Variants in CNTNAP2 observed in about 807,000 individuals in gnomAD.
CNTNAP2 encodes contactin-associated protein-like 2.
In CNTNAP2, 98 loss-of-function variants were observed where a neutral mutation model predicts 155.2. The observed-to-expected ratio is 0.63, with a 90% CI of 0.54 to 0.75. CNTNAP2 has a LOEUF of 0.75. Ranked by LOEUF, CNTNAP2 falls within the 30% of genes least tolerant of loss-of-function variation. CNTNAP2 has a pLI of 0.00. For missense variants in CNTNAP2, 1,727 were observed against 1,688.1 expected (o/e 1.02, Z -0.40); for synonymous variants, 651 against 631.2 (o/e 1.03, Z -0.47).
intron 2 of CNTNAP2, among the ~76,000 whole-genome samples, chr7:146,834,229 A>G (rs1158001014): frequency 6.6e-6 from 1 of 152,178 alleles, no homozygotes; most frequent in East Asian, 1.9e-4. Context: ...ACCACCCACT[A>G]AATTCCTCTT....
At chr7:147,128,961 G>A (rs2129284467) in intron 7 of CNTNAP2, 125 bp downstream of exon 7, 1 of 1,261,674 alleles carries the variant, frequency 7.9e-7, no homozygotes, top group Middle Eastern at 1.9e-4. Flanking sequence ...GCAAAATGAT[G>A]TAAAACAAAC....
At chr7:147,940,447 A>T (rs1800699160) in intron 14 of CNTNAP2, 1 of 152,226 alleles carries the variant, frequency 6.6e-6, no homozygotes, top group Admixed American at 6.5e-5. Flanking sequence ...ATACAATACG[A>T]TCAATACAAT....
chr7:146,146,934 GTCTT>G (rs1421577331), intron 1 of CNTNAP2, among the ~76,000 whole-genome samples: 2 of 152,240 alleles, frequency 1.3e-5, no homozygotes, highest in Admixed American at 6.6e-5. Context: ...ATGGTGCGAA[GTCTT>G]TCTGTCAAAC....
At chr7:146,723,783 T>C (rs1801380715) in intron 1 of CNTNAP2, among the ~76,000 whole-genome samples, 1 of 152,352 alleles carries the variant, frequency 6.6e-6, no homozygotes, top group African/African-American at 2.4e-5. Context: ...TGGTTCTCTA[T>C]GAAATAATAA....
intron 1 of CNTNAP2, among the ~76,000 whole-genome samples, chr7:146,386,954 T>A (rs1279347464): frequency 6.6e-6 from 1 of 152,116 alleles, no homozygotes; most frequent in Non-Finnish European, 1.5e-5. Context: ...TCTTGTTTGC[T>A]TTCAAGAACT....
intron 10 of CNTNAP2, among the ~76,000 whole-genome samples, chr7:147,408,752 C>T (rs1005460385): frequency 6.6e-6 from 1 of 151,970 alleles, no homozygotes; most frequent in Non-Finnish European, 1.5e-5. Flanking sequence ...AGCGAGACTC[C>T]ATCTCAATAA....
intron 13 of CNTNAP2, among the ~76,000 whole-genome samples, chr7:147,802,156 G>C (rs1452452733): frequency 6.6e-6 from 1 of 151,410 alleles, no homozygotes; most frequent in Non-Finnish European, 1.5e-5. Context: ...GCCGGGCAGA[G>C]GCGCTCCTCA....
chr7:147,164,141 C>T (rs775192679), intron 8 of CNTNAP2, among the ~76,000 whole-genome samples: 7 of 152,158 alleles, frequency 4.6e-5, no homozygotes, highest in African/African-American at 1.4e-4. Flanking sequence ...ATTGAAAGAA[C>T]GTTATTTCAT....
chr7:147,430,687 T>A (rs1354810378), intron 10 of CNTNAP2, among the ~76,000 whole-genome samples: 1 of 152,152 alleles, frequency 6.6e-6, no homozygotes, highest in African/African-American at 2.4e-5. Flanking sequence ...TACATTATGA[T>A]GAGTCCAACT....
intron 1 of CNTNAP2, among the ~76,000 whole-genome samples, chr7:146,639,622 C>T (rs1230620665): frequency 6.6e-6 from 1 of 152,218 alleles, no homozygotes; most frequent in East Asian, 1.9e-4. Flanking sequence ...TCTCACATTT[C>T]CCAACCCCTC....
chr7:148,037,408 C>A (rs925230824), intron 15 of CNTNAP2, among the ~76,000 whole-genome samples: 1 of 152,224 alleles, frequency 6.6e-6, no homozygotes. Flanking sequence ...CAATCCGCAG[C>A]TGTGTGCCCA....
intron 11 of CNTNAP2, among the ~76,000 whole-genome samples, chr7:147,560,718 C>G (rs1296384964): frequency 6.6e-6 from 1 of 151,234 alleles, no homozygotes; most frequent in Non-Finnish European, 1.5e-5. Flanking sequence ...CAGCATAGTT[C>G]CTCAATAACT....
intron 1 of CNTNAP2, among the ~76,000 whole-genome samples, chr7:146,548,518 C>A (rs550127550): frequency 1.1e-4 from 17 of 151,878 alleles, no homozygotes; most frequent in Non-Finnish European, 2.2e-4. Context: ...TTGCTTTTTT[C>A]ATAATCACCA....
At chr7:147,793,210 T>C (rs1797846831) in intron 13 of CNTNAP2, among the ~76,000 whole-genome samples, 1 of 152,172 alleles carries the variant, frequency 6.6e-6, no homozygotes, top group Non-Finnish European at 1.5e-5. Flanking sequence ...TTATTTATTT[T>C]CTTACTTTGT....
rs181978081 is a variant in CNTNAP2 at position 148,276,518 on chromosome 7, G to A, written c.3475+9392G>A. 1.8e-4 allele frequency among the ~76,000 whole-genome samples: 28 copies of A among 152,336 alleles called. No homozygotes were observed. In the South Asian group the frequency reaches 3.1e-3, roughly 17 times the overall value. On this transcript the variant is annotated intron_variant, in intron 21 of 23. Transcript: ENST00000361727. ...CTCCCCAGCACTTCCAGCTTGTCCC[G>A]TGTTTACACCCAACACACTGCTGAG...
chr7:146,502,592 AGAT>A lies in CNTNAP2; in HGVS notation c.98-271675_98-271673del, dbSNP rs1275643555. On this transcript the variant is annotated intron_variant, in intron 1 of 23. Transcript: ENST00000361727. ...GATAATAGTCATTTTAAGTGGAGTG[AGAT>A]GATATTTCATTGTGATTTTTGTTGT... Among the ~76,000 whole-genome samples, 14 of 151,990 alleles carry A rather than the reference AGAT, an allele frequency of 9.2e-5. No individual in the cohort carries two copies. The East Asian group carries it at 1.7e-3, about 19-fold the overall frequency.
At chr7:147,955,163 A>G (rs186949794) in intron 14 of CNTNAP2, among the ~76,000 whole-genome samples, 1 of 152,360 alleles carries the variant, frequency 6.6e-6, no homozygotes, top group African/African-American at 2.4e-5. Flanking sequence ...CTCTGGAGCA[A>G]TAATGATCAC....
intron 11 of CNTNAP2, among the ~76,000 whole-genome samples, chr7:147,530,363 G>T (rs1238427206): frequency 6.6e-6 from 1 of 151,780 alleles, no homozygotes; most frequent in Non-Finnish European, 1.5e-5. Flanking sequence ...TATTTTTAGT[G>T]GAGATGGGGT....
At chr7:148,396,962 C>T (rs1013598079) in intron 22 of CNTNAP2, among the ~76,000 whole-genome samples, 1 of 152,128 alleles carries the variant, frequency 6.6e-6, no homozygotes, top group African/African-American at 2.4e-5. Flanking sequence ...AAATGATTTT[C>T]AATCATTGAC....
Sources: gnomAD v4.1 joint callset for allele counts (sites outside exome capture counted in the v4.1 genomes callset) on GRCh38, gnomAD v4.1.1 for gene constraint, MANE v1.5 for transcripts, NCBI Gene and HGNC (gene_info 2026-07-23, HGNC 2026-07-21) for gene names.